The following CMTM8 variants were observed in gnomAD, a reference collection of about 807,000 sequenced individuals.
CMTM8 encodes CKLF like MARVEL transmembrane domain containing 8.
In CMTM8, 12 loss-of-function variants were observed where a neutral mutation model predicts 18.6. That is an observed-to-expected ratio of 0.65 (90% CI 0.41 to 1.05). CMTM8 has a LOEUF of 1.05. Among genes scored for constraint, CMTM8 ranks in the 50% least tolerant of loss-of-function variants. The probability of loss-of-function intolerance (pLI) is 0.00; values close to 1 mark genes in which losing one functional copy is unlikely to be tolerated. For synonymous variants in CMTM8, 87 were observed against 90.6 expected (o/e 0.96, Z 0.23); for missense variants, 217 against 227.2 (o/e 0.95, Z 0.29).
At chr3:32,332,960 T>C (rs1696309638) in intron 1 of CMTM8, among the ~76,000 whole-genome samples, 1 of 152,226 alleles carries the variant, frequency 6.6e-6, no homozygotes, top group Non-Finnish European at 1.5e-5. Flanking sequence ...TTGTATGTAT[T>C]CTTATAAAAC....
rs138472150 is a variant in CMTM8, at chr3:32,293,384, C to T, written c.147+54265C>T. On this transcript the variant is annotated intron_variant, in intron 1 of 3. Transcript: ENST00000307526. The stretch of plus-strand genomic sequence containing the variant: ...TGGCCAACATGGCGAAACCCCATCT[C>T]TACTAAAAGTACAAAAATTAGCCAG... Among the ~76,000 whole-genome samples, 270 of 152,244 alleles carry T rather than the reference C, an allele frequency of 1.8e-3. 2 individuals are homozygous for T. The East Asian group carries it at 0.047, about 27-fold the overall frequency.
At chr3:32,260,256 G>A (rs1208663893) in intron 1 of CMTM8, 3 of 1,251,806 alleles carry the variant, frequency 2.4e-6, no homozygotes, top group Non-Finnish European at 3.4e-6. Flanking sequence ...GTACCCTTTG[G>A]GGATCAGGAG....
intron 1 of CMTM8, among the ~76,000 whole-genome samples, chr3:32,247,886 C>T (rs1702061173): frequency 6.6e-6 from 1 of 152,220 alleles, no homozygotes; most frequent in South Asian, 2.1e-4. Flanking sequence ...TTCCTCCCTT[C>T]CCTCAACCTT....
At position 32,319,976 on chromosome 3, in the gene CMTM8, A is replaced by T. The variant is rs186578124; in HGVS notation, c.148-37397A>T. ...TTCTTACGTAGGTATGCTCTGCTCCATGCAGCTTTTAGGAGAGGCAGCACC... is the reference window on the plus strand; with the variant it reads ...TTCTTACGTAGGTATGCTCTGCTCCTTGCAGCTTTTAGGAGAGGCAGCACC... On this transcript the variant is annotated intron_variant, in intron 1 of 3. Transcript: ENST00000307526. 2.3e-3 allele frequency among the ~76,000 whole-genome samples: 351 copies of T among 152,316 alleles called. 1 individual carries two copies. Among genetic ancestry groups the T allele is most frequent in the Middle Eastern group, 6.8e-3 (2 of 294 alleles).
intron 1 of CMTM8, among the ~76,000 whole-genome samples, chr3:32,295,626 G>A (rs973524998): frequency 6.6e-6 from 1 of 152,120 alleles, no homozygotes; most frequent in Non-Finnish European, 1.5e-5. Context: ...TTGAGGAACT[G>A]TAAGTTCCTT....
At chr3:32,304,749 C>T (rs1051176331) in intron 1 of CMTM8, among the ~76,000 whole-genome samples, 1 of 152,210 alleles carries the variant, frequency 6.6e-6, no homozygotes, top group Non-Finnish European at 1.5e-5. Flanking sequence ...TTTTCATGTT[C>T]CAGTTAATAG....
intron 1 of CMTM8, among the ~76,000 whole-genome samples, chr3:32,315,709 C>G (rs1695914645): frequency 6.6e-6 from 1 of 152,172 alleles, no homozygotes; most frequent in Non-Finnish European, 1.5e-5. Flanking sequence ...CAGATTTGAC[C>G]ATGAACCTTT....
intron 1 of CMTM8, among the ~76,000 whole-genome samples, chr3:32,348,701 A>C (rs953189182): frequency 4.0e-5 from 6 of 151,540 alleles, no homozygotes; most frequent in African/African-American, 1.5e-4. Context: ...GGGTTTTGCC[A>C]TGTTACCCAG....
intron 1 of CMTM8, among the ~76,000 whole-genome samples, chr3:32,297,690 A>T (rs916588444): frequency 2.0e-5 from 3 of 152,044 alleles, no homozygotes; most frequent in African/African-American, 7.2e-5. Context: ...TTGATGGTGA[A>T]AGATAACAAT....
At chr3:32,298,154 C>G (rs575870271) in intron 1 of CMTM8, among the ~76,000 whole-genome samples, 87 of 151,556 alleles carry the variant, frequency 5.7e-4, no homozygotes, top group African/African-American at 2.0e-3. Flanking sequence ...GGGCTCACTG[C>G]AACCTCTGCC....
intron 1 of CMTM8, among the ~76,000 whole-genome samples, chr3:32,320,663 T>G (rs1390360064): frequency 2.0e-5 from 3 of 152,214 alleles, no homozygotes; most frequent in African/African-American, 7.2e-5. Context: ...TAGGATTCAT[T>G]TACACTGATG....
intron 1 of CMTM8, among the ~76,000 whole-genome samples, chr3:32,345,605 C>A (rs1308258255): frequency 6.6e-6 from 1 of 152,020 alleles, no homozygotes; most frequent in Non-Finnish European, 1.5e-5. Flanking sequence ...GAAAAGAAAC[C>A]TTAGGTCATT....
At chr3:32,274,867 T>A (rs1482784746) in intron 1 of CMTM8, among the ~76,000 whole-genome samples, 1 of 152,176 alleles carries the variant, frequency 6.6e-6, no homozygotes, top group Non-Finnish European at 1.5e-5. Flanking sequence ...TATGTGTGTG[T>A]GGTGTTTCCT....
intron 1 of CMTM8, among the ~76,000 whole-genome samples, chr3:32,291,839 A>G (rs1702783766): frequency 6.6e-6 from 1 of 152,184 alleles, no homozygotes; most frequent in Non-Finnish European, 1.5e-5. Flanking sequence ...CCTTAAACCT[A>G]GTTCCTAGAA....
intron 1 of CMTM8, chr3:32,259,773 CCA>C (rs1702230612): frequency 3.4e-6 from 3 of 870,252 alleles, no homozygotes; most frequent in Non-Finnish European, 5.8e-6. Flanking sequence ...GAGGAGAGCA[CCA>C]CAGTGGTCAC....
At chr3:32,343,761 G>A (rs6782238) in intron 1 of CMTM8, among the ~76,000 whole-genome samples, 7,545 of 152,178 alleles carry the variant, frequency 0.05, 227 homozygotes, top group African/African-American at 0.062. Flanking sequence ...GTGCAATGGC[G>A]TGATCTCAAG....
chr3:32,364,697 T>C (rs1250869525), intron 2 of CMTM8, among the ~76,000 whole-genome samples: 1 of 152,218 alleles, frequency 6.6e-6, no homozygotes, highest in Non-Finnish European at 1.5e-5. Flanking sequence ...CCTAGGTAGC[T>C]ATGTCTTTAA....
chr3:32,267,938 G>A (rs1702373179), intron 1 of CMTM8, among the ~76,000 whole-genome samples: 2 of 152,160 alleles, frequency 1.3e-5, no homozygotes, highest in South Asian at 4.1e-4. Flanking sequence ...TTAAAGTCAG[G>A]AAACAACAGG....
At chr3:32,241,301 C>T (rs954046450) in intron 1 of CMTM8, among the ~76,000 whole-genome samples, 1 of 152,218 alleles carries the variant, frequency 6.6e-6, no homozygotes, top group Non-Finnish European at 1.5e-5. Flanking sequence ...TATACATACC[C>T]TCTTCCTGTC....
Sources: gnomAD v4.1 joint callset for allele counts (sites outside exome capture counted in the v4.1 genomes callset) on GRCh38, gnomAD v4.1.1 for gene constraint, MANE v1.5 for transcripts, NCBI Gene and HGNC (gene_info 2026-07-23, HGNC 2026-07-21) for gene names.